The following DCDC1 variants were observed in gnomAD, a reference collection of about 807,000 sequenced individuals.
DCDC1 encodes doublecortin domain-containing protein 1.
Under a neutral mutation model 178.3 loss-of-function variants are expected in DCDC1, and 200 were observed. That is an observed-to-expected ratio of 1.12 (90% CI 1.00 to 1.26). DCDC1 has a LOEUF of 1.26. Among genes scored for constraint, DCDC1 ranks in the 50% most tolerant of loss-of-function variants. DCDC1 has a pLI of 0.00. For missense variants in DCDC1, 1,983 were observed against 1,749.2 expected, an observed-to-expected ratio of 1.13 and a Z score of -2.38; for synonymous variants, 690 against 604.8, an observed-to-expected ratio of 1.14 and a Z score of -2.07.
intron 9 of DCDC1, among the ~76,000 whole-genome samples, chr11:31,218,380 C>T (rs1039407434): frequency 6.6e-6 from 1 of 152,128 alleles, no homozygotes; most frequent in Non-Finnish European, 1.5e-5. Context: ...AAAGCAATCA[C>T]TTCCTTTTCA....
At chr11:31,005,952 G>GA (rs35225668) in intron 20 of DCDC1, among the ~76,000 whole-genome samples, 4,091 of 47,696 alleles carry the variant, frequency 0.086, 319 homozygotes, top group African/African-American at 0.12. Context: ...TCTTATTCCT[G>GA]AAAAAAAAAA....
intron 36 of DCDC1, among the ~76,000 whole-genome samples, chr11:30,887,213 T>C (rs1453436915): frequency 6.6e-6 from 1 of 152,214 alleles, no homozygotes; most frequent in Non-Finnish European, 1.5e-5. Context: ...ACGACTTGTA[T>C]TCATGTTCAA....
At position 31,131,054 on chromosome 11, in the gene DCDC1, C is replaced by T. The variant is rs1303786288; in HGVS notation, c.1315-3415G>A. Among the ~76,000 whole-genome samples the T allele has an allele frequency of 2.4e-5, 2 of 82,052 alleles. 1 individual carries two copies. The highest frequency in any genetic ancestry group is 5.3e-5 in the Non-Finnish European group (2 of 37,950). The allele number at this position is 82,052 out of a possible 152,430, so 53.8% of individuals were successfully genotyped here. On this transcript the variant is annotated intron_variant, in intron 10 of 38. Coordinates refer to ENST00000684477, the MANE Select transcript of DCDC1 (RefSeq NM_001387274.1). ...AAAATTAGCCGGGCGCGGTGGCGGGCGCCTGTAGTCCCAGCTACTCGGGAG... is the reference window on the plus strand; with the variant it reads ...AAAATTAGCCGGGCGCGGTGGCGGGTGCCTGTAGTCCCAGCTACTCGGGAG...
chr11:31,363,944 T>C (rs1478039351), intron 1 of DCDC1, among the ~76,000 whole-genome samples: 10 of 152,310 alleles, frequency 6.6e-5, no homozygotes, highest in South Asian at 2.1e-4. Context: ...GAAGCCATAC[T>C]TTGAATTTTG....
At chr11:31,301,146 G>T (rs1432556731) in intron 6 of DCDC1, among the ~76,000 whole-genome samples, 6 of 152,050 alleles carry the variant, frequency 3.9e-5, no homozygotes, top group Admixed American at 3.9e-4. Flanking sequence ...AGAAATAGAA[G>T]AATCATATGC....
intron 20 of DCDC1, among the ~76,000 whole-genome samples, chr11:30,953,907 A>C (rs1256707908): frequency 6.6e-6 from 1 of 152,136 alleles, no homozygotes; most frequent in African/African-American, 2.4e-5. Flanking sequence ...TAAGAATGTA[A>C]GACAAACCAA....
At chr11:31,271,806 A>G (rs994650374) in intron 7 of DCDC1, among the ~76,000 whole-genome samples, 4 of 152,130 alleles carry the variant, frequency 2.6e-5, no homozygotes, top group Non-Finnish European at 5.9e-5. Flanking sequence ...AGCAAGTCAC[A>G]TCTTACATGG....
chr11:31,140,993 C>A lies in DCDC1; in HGVS notation c.1222-3209G>T, dbSNP rs565018879. ...AAAGTGCTCTTAATTCTGAGGAATT[C>A]TTCAAATGTTTGCTGGCTCAGGAAG... On this transcript the variant is annotated intron_variant, in intron 9 of 38. Coordinates refer to ENST00000684477, the MANE Select transcript of DCDC1 (RefSeq NM_001387274.1). Among the ~76,000 whole-genome samples the A allele has an allele frequency of 3.6e-4, 55 of 152,234 alleles. 1 individual carries two copies. Among genetic ancestry groups the A allele is most frequent in the Non-Finnish European group, 6.9e-4 (47 of 68,010 alleles).
At chr11:31,097,104 T>C (rs1318641605) in intron 15 of DCDC1, among the ~76,000 whole-genome samples, 2 of 152,274 alleles carry the variant, frequency 1.3e-5, no homozygotes, top group Non-Finnish European at 2.9e-5. Context: ...AGGTCCTTTA[T>C]GTGACCATTA....
intron 1 of DCDC1, among the ~76,000 whole-genome samples, chr11:31,357,003 G>A (rs1387847963): frequency 6.6e-6 from 1 of 150,970 alleles, no homozygotes; most frequent in Non-Finnish European, 1.5e-5. Context: ...AATTCTACCA[G>A]AGGTACAAGG....
At chr11:31,196,979 C>T (rs1970768196) in intron 9 of DCDC1, among the ~76,000 whole-genome samples, 1 of 152,062 alleles carries the variant, frequency 6.6e-6, no homozygotes, top group African/African-American at 2.4e-5. Context: ...GCTTCAGGAA[C>T]CTGGGACAAA....
intron 6 of DCDC1, 68 bp downstream of exon 6, chr11:31,305,546 AT>A: frequency 6.5e-7 from 1 of 1,535,620 alleles, no homozygotes. Context: ...GATGAAAATC[AT>A]TTTTTAATTG....
intron 37 of DCDC1, 34 bp from the exon 38 acceptor site, chr11:30,878,745 C>T (rs749760036): frequency 6.5e-7 from 1 of 1,532,396 alleles, no homozygotes; most frequent in South Asian, 1.2e-5. Context: ...AGTTGAGAGA[C>T]AAGTCAATGT....
intron 1 of DCDC1, among the ~76,000 whole-genome samples, chr11:31,349,348 CT>C (rs1268795084): frequency 2.0e-5 from 3 of 152,156 alleles, no homozygotes; most frequent in African/African-American, 7.2e-5. Flanking sequence ...CCTAAAACCA[CT>C]TTGCGAATTC....
chr11:31,122,989 T>C (rs1188871093), intron 11 of DCDC1, among the ~76,000 whole-genome samples: 1 of 151,986 alleles, frequency 6.6e-6, no homozygotes, highest in African/African-American at 2.4e-5. Flanking sequence ...AGTCATATGG[T>C]CTCCACTCTG....
At chr11:31,070,658 C>T (rs1040457537) in intron 18 of DCDC1, among the ~76,000 whole-genome samples, 5 of 152,150 alleles carry the variant, frequency 3.3e-5, no homozygotes, top group African/African-American at 1.2e-4. Context: ...TGAGTAAGAA[C>T]ATGATCGGAA....
intron 9 of DCDC1, among the ~76,000 whole-genome samples, chr11:31,211,489 G>T (rs1972528035): frequency 6.6e-6 from 1 of 152,132 alleles, no homozygotes; most frequent in Non-Finnish European, 1.5e-5. Context: ...GAGGCCTAGG[G>T]ATTTGAGAGT....
intron 8 of DCDC1, among the ~76,000 whole-genome samples, chr11:31,242,159 G>T (rs1020884646): frequency 2.6e-5 from 4 of 151,794 alleles, no homozygotes; most frequent in Non-Finnish European, 5.9e-5. Flanking sequence ...TAAAAACAGG[G>T]GGCAGAATCT....
intron 6 of DCDC1, among the ~76,000 whole-genome samples, chr11:31,293,456 T>C (rs1360141791): frequency 2.0e-5 from 3 of 152,066 alleles, no homozygotes; most frequent in South Asian, 2.1e-4. Flanking sequence ...AGGCCAGGAC[T>C]AGGGTGAGGG....
Sources: gnomAD v4.1 joint callset for allele counts (sites outside exome capture counted in the v4.1 genomes callset) on GRCh38, gnomAD v4.1.1 for gene constraint, MANE v1.5 for transcripts, NCBI Gene and HGNC (gene_info 2026-07-23, HGNC 2026-07-21) for gene names.